Variants in PDZRN4 observed in about 807,000 individuals in gnomAD.
The protein encoded by PDZRN4 is PDZ domain containing ring finger 4, also known as PDZ domain-containing RING finger protein 4.
A neutral mutation model predicts 99.0 loss-of-function variants in PDZRN4; 70 were observed. The observed-to-expected ratio is 0.71, with a 90% CI of 0.58 to 0.86. PDZRN4 has a LOEUF of 0.86. PDZRN4 is among the 40% of genes least tolerant of loss of function. The pLI is 0.00. For missense variants in PDZRN4, 1,474 were observed against 1,331.2 expected, an observed-to-expected ratio of 1.11 and a Z score of -1.67; for synonymous variants, 551 against 501.6, an observed-to-expected ratio of 1.10 and a Z score of -1.32.
intron 3 of PDZRN4, chr12:41,437,775 ACACACC>A: frequency 3.3e-6 from 5 of 1,532,224 alleles, no homozygotes; most frequent in Non-Finnish European, 4.4e-6. Flanking sequence ...GCATGCTGCT[ACACACC>A]ACTCTGGCTT....
rs1952061636 is a variant in PDZRN4 at position 41,373,913 on chromosome 12, A to G, written c.844-132543A>G. ...AATAAATGTCCATGAAATCTTCACAATTTATGTTCTTCTGCCATGGCTTTA... is the reference window on the plus strand; with the variant it reads ...AATAAATGTCCATGAAATCTTCACAGTTTATGTTCTTCTGCCATGGCTTTA... On this transcript the variant is annotated intron_variant, in intron 3 of 9. Transcript: ENST00000402685. 2.0e-5 allele frequency among the ~76,000 whole-genome samples: 3 copies of G among 152,256 alleles called. No homozygotes were observed. The South Asian group carries it at 6.2e-4, about 32-fold the overall frequency.
rs200776765 is a variant in PDZRN4, at chr12:41,509,944, C to T, written c.1203+31C>T. ...GTCATTTTCATACCACTTCACATTT[C>T]TTCATGAAGTTACGGTTGAGGGGTT... On this transcript the variant is annotated intron_variant, in intron 5 of 9. Coordinates refer to ENST00000402685, the MANE Select transcript of PDZRN4 (RefSeq NM_001164595.2). The T allele has an allele frequency of 3.8e-6, 4 of 1,041,898 alleles. No individual in the cohort carries two copies. In the East Asian group the frequency reaches 7.3e-5, roughly 19 times the overall value. 64.5% of individuals were successfully genotyped at this position (1,041,898 alleles called of 1,614,324 possible).
chr12:41,503,186 G>A (rs1271614320), intron 3 of PDZRN4, among the ~76,000 whole-genome samples: 1 of 152,124 alleles, frequency 6.6e-6, no homozygotes, highest in African/African-American at 2.4e-5. Context: ...TGTAGCAGTA[G>A]AGCATTTAAA....
intron 3 of PDZRN4, among the ~76,000 whole-genome samples, chr12:41,258,765 A>T (rs926666783): frequency 6.6e-6 from 1 of 152,120 alleles, no homozygotes; most frequent in Non-Finnish European, 1.5e-5. Context: ...AGGAGAGATG[A>T]TCAATAAATA....
chr12:41,516,875 T>C (rs866634422), intron 5 of PDZRN4, among the ~76,000 whole-genome samples: 1 of 151,962 alleles, frequency 6.6e-6, no homozygotes, highest in Non-Finnish European at 1.5e-5. Context: ...CATAATCACA[T>C]GTTGTATAAT....
intron 3 of PDZRN4, among the ~76,000 whole-genome samples, chr12:41,380,811 C>T (rs1251324443): frequency 6.6e-6 from 1 of 151,984 alleles, no homozygotes; most frequent in Admixed American, 6.6e-5. Context: ...TCTATATTTA[C>T]CTTATCTGGT....
chr12:41,496,886 C>T (rs138530859), intron 3 of PDZRN4, among the ~76,000 whole-genome samples: 3 of 152,200 alleles, frequency 2.0e-5, no homozygotes, highest in African/African-American at 4.8e-5. Context: ...TCATTCAGTG[C>T]GTTTTGTACA....
chr12:41,426,868 G>A lies in PDZRN4; in HGVS notation c.844-79588G>A, dbSNP rs139861200. 3.5e-3 allele frequency among the ~76,000 whole-genome samples: 538 copies of A among 152,278 alleles called. 4 individuals are homozygous for A. The highest frequency in any genetic ancestry group is 6.8e-3 in the Middle Eastern group (2 of 294). On this transcript the variant is annotated intron_variant, in intron 3 of 9. Transcript: ENST00000402685. ...CACAAATGAGTTTTCTGTGGGATGC[G>A]TAAAAATGCATATTCCCAGGCCCAT...
chr12:41,276,300 C>T (rs1468061216), intron 3 of PDZRN4, among the ~76,000 whole-genome samples: 3 of 152,104 alleles, frequency 2.0e-5, no homozygotes, highest in African/African-American at 7.2e-5. Context: ...TACAAGAAAG[C>T]AGAAACCATA....
intron 3 of PDZRN4, among the ~76,000 whole-genome samples, chr12:41,472,975 A>T (rs1343407624): frequency 6.6e-6 from 1 of 152,266 alleles, no homozygotes; most frequent in Non-Finnish European, 1.5e-5. Context: ...CTAACTAAGC[A>T]TGCCATTATT....
intron 3 of PDZRN4, among the ~76,000 whole-genome samples, chr12:41,195,082 G>A (rs997676713): frequency 3.3e-5 from 5 of 152,050 alleles, no homozygotes; most frequent in East Asian, 1.9e-4. Context: ...TGTTGTATTC[G>A]GGGGTGATAA....
chr12:41,571,603 A>C (rs1267986730), intron 9 of PDZRN4, among the ~76,000 whole-genome samples: 1 of 152,180 alleles, frequency 6.6e-6, no homozygotes, highest in Non-Finnish European at 1.5e-5. Flanking sequence ...AACCCCAATG[A>C]GTCCTAAAAC....
chr12:41,375,432 A>C (rs576974743), intron 3 of PDZRN4, among the ~76,000 whole-genome samples: 68 of 152,250 alleles, frequency 4.5e-4, no homozygotes, highest in African/African-American at 1.6e-3. Flanking sequence ...TAACATTATA[A>C]TTTATTAAGA....
chr12:41,317,048 G>GTATACATACATATATATATAGATATATA (rs374645706), intron 3 of PDZRN4, among the ~76,000 whole-genome samples: 1 of 69,582 alleles, frequency 1.4e-5, no homozygotes, highest in Non-Finnish European at 3.5e-5. Flanking sequence ...CTTACATAAA[G>GTATACATACATATATATATAGATATATA]TATATATATA....
chr12:41,493,889 T>C (rs1592083499), intron 3 of PDZRN4, among the ~76,000 whole-genome samples: 1 of 127,876 alleles, frequency 7.8e-6, no homozygotes, highest in East Asian at 2.4e-4. Context: ...TTCACTTATA[T>C]TAAAAAAATA....
Position 41,555,719 on chromosome 12 carries a change from G to T in PDZRN4, c.1324G>T (p.Ala442Ser), listed in dbSNP as rs1044263858. Residue 442 changes from alanine (A) to serine (S), a missense_variant, in exon 7 of 10, where the codon GCC becomes TCC. Physicochemically the swap from Ala to Ser is moderately conservative, Grantham distance 99. Transcript: ENST00000402685. Reference sequence around the variant, plus strand: ...ACAGGTTGACCCAAATAGCATTGCTGCCAAAGACGGCCGGATTCGAGAAGG... The same window carrying T: ...ACAGGTTGACCCAAATAGCATTGCTTCCAAAGACGGCCGGATTCGAGAAGG... ...VSEVDPNSIA[A>S]KDGRIREGDR... The T allele has an allele frequency of 8.7e-6, 14 of 1,613,872 alleles. No homozygotes were observed. In the East Asian group the frequency reaches 3.1e-4, roughly 36 times the overall value.
At chr12:41,417,682 G>T (rs1952456107) in intron 3 of PDZRN4, among the ~76,000 whole-genome samples, 1 of 152,194 alleles carries the variant, frequency 6.6e-6, no homozygotes. Flanking sequence ...GCCTCAGAAA[G>T]AAGAGAAAAG....
At chr12:41,201,694 G>A (rs567686560) in intron 3 of PDZRN4, among the ~76,000 whole-genome samples, 3 of 151,950 alleles carry the variant, frequency 2.0e-5, no homozygotes, top group Non-Finnish European at 4.4e-5. Context: ...GTCCCCAAAG[G>A]CTCTCCTGTA....
intron 3 of PDZRN4, among the ~76,000 whole-genome samples, chr12:41,246,171 T>A (rs1951132685): frequency 6.6e-6 from 1 of 152,234 alleles, no homozygotes; most frequent in Non-Finnish European, 1.5e-5. Flanking sequence ...TTTGATTACA[T>A]CATTTCAATA....
Sources: allele counts gnomAD v4.1 joint callset (sites outside exome capture counted in the v4.1 genomes callset), GRCh38; gene constraint gnomAD v4.1.1; transcripts MANE v1.5; gene names NCBI Gene and HGNC (gene_info 2026-07-23, HGNC 2026-07-21).